Variants in SLC16A10 observed in about 807,000 individuals in gnomAD.
SLC16A10 encodes the protein solute carrier family 16 member 10.
In SLC16A10, 27 loss-of-function variants were observed where a neutral mutation model predicts 40.0. The observed-to-expected ratio is 0.67, with a 90% confidence interval of 0.50 to 0.93. SLC16A10 has a LOEUF of 0.93. Among genes scored for constraint, SLC16A10 ranks in the 40% least tolerant of loss-of-function variants. The pLI is 0.00. For synonymous variants in SLC16A10, 213 were observed against 249.8 expected, an observed-to-expected ratio of 0.85 and a Z score of 1.39; for missense variants, 529 against 658.2, an observed-to-expected ratio of 0.80 and a Z score of 2.15.
At chr6:111,171,139 T>TA (rs1040855648) in intron 1 of SLC16A10, among the ~76,000 whole-genome samples, 7 of 151,802 alleles carry the variant, frequency 4.6e-5, no homozygotes, top group Non-Finnish European at 1.5e-5. Flanking sequence ...CCTGTCTCAT[T>TA]AAAAAAAGAA....
At chr6:111,107,684 G>A (rs1230375521) in intron 1 of SLC16A10, among the ~76,000 whole-genome samples, 2 of 152,214 alleles carry the variant, frequency 1.3e-5, no homozygotes, top group Admixed American at 6.5e-5. Context: ...GTATGATGCT[G>A]AAGACAAAGC....
intron 1 of SLC16A10, among the ~76,000 whole-genome samples, chr6:111,122,722 T>C (rs2114477145): frequency 6.6e-6 from 1 of 152,284 alleles, no homozygotes; most frequent in South Asian, 2.1e-4. Context: ...AACCGCATTA[T>C]TGAGGGGAGT....
chr6:111,219,057 TCTCCAG>T lies in SLC16A10; in HGVS notation c.1315+16_1315+21del, dbSNP rs774295551. On this transcript the variant is annotated intron_variant, in intron 5 of 5. Coordinates refer to ENST00000368851, the MANE Select transcript of SLC16A10 (RefSeq NM_018593.5). ...ACCCATTGCAGGTAAATATAATGAT[TCTCCAG>T]TAGTTATATTAATTCATAGTATTTT... 1 of 1,597,718 alleles carries T rather than the reference TCTCCAG, an allele frequency of 6.3e-7. No homozygotes were observed. The highest frequency in any genetic ancestry group is 1.1e-5 in the South Asian group (1 of 90,594).
intron 1 of SLC16A10, among the ~76,000 whole-genome samples, chr6:111,165,822 G>A (rs1772461895): frequency 6.6e-6 from 1 of 152,228 alleles, no homozygotes; most frequent in Non-Finnish European, 1.5e-5. Flanking sequence ...ACAGATATTA[G>A]CCAGAAAGTA....
intron 1 of SLC16A10, among the ~76,000 whole-genome samples, chr6:111,125,499 AC>A (rs952112592): frequency 6.6e-6 from 1 of 152,156 alleles, no homozygotes; most frequent in Admixed American, 6.6e-5. Context: ...TAATGAGTTT[AC>A]CAAAAAACTG....
intron 1 of SLC16A10, among the ~76,000 whole-genome samples, chr6:111,113,196 A>G (rs1418608476): frequency 2.0e-5 from 3 of 152,328 alleles, no homozygotes; most frequent in Admixed American, 1.3e-4. Context: ...TGTGTTAGCT[A>G]GAATTAGATA....
At position 111,225,532 on chromosome 6, in the gene SLC16A10, A is replaced by G. The variant is rs1458526176; in HGVS notation, c.*3297A>G. ...GCCACTGCACTCCAGCCTGGGCGACAGAGCGAGACTCCATCTCAAAAAAAA... is the reference window on the plus strand; with the variant it reads ...GCCACTGCACTCCAGCCTGGGCGACGGAGCGAGACTCCATCTCAAAAAAAA... On this transcript the variant is annotated 3_prime_UTR_variant, in exon 6 of 6. Transcript: ENST00000368851. The G allele has an allele frequency of 2.0e-5, 3 of 148,508 alleles. No homozygotes were observed. The highest frequency in any genetic ancestry group is 7.6e-5 in the African/African-American group (3 of 39,540). 9.2% of individuals were successfully genotyped at this position (148,508 alleles called of 1,614,324 possible). A position where few individuals can be genotyped will look rare whatever the true frequency, so the allele number is the denominator to read the frequency against.
intron 5 of SLC16A10, among the ~76,000 whole-genome samples, 169 bp from the exon 6 acceptor site, chr6:111,221,834 G>A (rs1320012122): frequency 6.6e-6 from 1 of 151,050 alleles, no homozygotes; most frequent in African/African-American, 2.4e-5. Flanking sequence ...CAACGTTAAA[G>A]ATATGAGATC....
intron 1 of SLC16A10, among the ~76,000 whole-genome samples, chr6:111,146,610 G>A (rs189426171): frequency 0.1 from 15,287 of 152,008 alleles, 1,009 homozygotes; most frequent in Middle Eastern, 0.17. Flanking sequence ...GTGGGGGGGC[G>A]CCTGTAGTCC....
At chr6:111,203,671 G>A (rs1312860877) in intron 3 of SLC16A10, among the ~76,000 whole-genome samples, 1 of 150,642 alleles carries the variant, frequency 6.6e-6, no homozygotes, top group Non-Finnish European at 1.5e-5. Flanking sequence ...GCAGTGAGCT[G>A]AGATCACACC....
chr6:111,181,025 G>GCCAACATGGTGAAAC (rs1772780946), intron 3 of SLC16A10, among the ~76,000 whole-genome samples: 1 of 151,990 alleles, frequency 6.6e-6, no homozygotes, highest in Non-Finnish European at 1.5e-5. Flanking sequence ...GACCAGCCTG[G>GCCAACATGGTGAAAC]CCAACATGGT....
chr6:111,153,640 G>A (rs927837162), intron 1 of SLC16A10, among the ~76,000 whole-genome samples: 1 of 152,200 alleles, frequency 6.6e-6, no homozygotes, highest in Admixed American at 6.5e-5. Flanking sequence ...GCTGGGGTAT[G>A]AATCTAGAAG....
intron 1 of SLC16A10, among the ~76,000 whole-genome samples, chr6:111,132,480 C>CGTGGATGGGCCAAA (rs1311737351): frequency 2.6e-5 from 4 of 152,184 alleles, no homozygotes; most frequent in Non-Finnish European, 5.9e-5. Flanking sequence ...CCCAGTAACA[C>CGTGGATGGGCCAAA]GTGGATGGGC....
At chr6:111,113,445 A>C (rs1162283971) in intron 1 of SLC16A10, among the ~76,000 whole-genome samples, 1 of 152,218 alleles carries the variant, frequency 6.6e-6, no homozygotes, top group Non-Finnish European at 1.5e-5. Flanking sequence ...GGGAAGAAGA[A>C]GCTATCAGGA....
At chr6:111,147,820 G>A (rs1772106004) in intron 1 of SLC16A10, among the ~76,000 whole-genome samples, 1 of 151,968 alleles carries the variant, frequency 6.6e-6, no homozygotes, top group Non-Finnish European at 1.5e-5. Flanking sequence ...ACTTCTCTGG[G>A]GCCAGCACAA....
intron 4 of SLC16A10, among the ~76,000 whole-genome samples, chr6:111,217,162 G>A (rs1399348775): frequency 2.6e-5 from 4 of 152,212 alleles, no homozygotes; most frequent in African/African-American, 9.6e-5. Context: ...TGCTGCCCCC[G>A]TGGGCCATGG....
chr6:111,227,436 C>T lies in SLC16A10; in HGVS notation c.*5201C>T, dbSNP rs1027651159. ...TGTCGGAACCACAATTATGGACCCA[C>T]CATCAATGTGCATTTTATCAGATGA... On this transcript the variant is annotated 3_prime_UTR_variant, in exon 6 of 6. Coordinates refer to ENST00000368851, the MANE Select transcript of SLC16A10 (RefSeq NM_018593.5). The T allele has an allele frequency of 1.3e-5, 2 of 152,158 alleles. No individual in the cohort carries two copies. Among genetic ancestry groups the T allele is most frequent in the Non-Finnish European group, 2.9e-5 (2 of 68,022 alleles). 9.4% of individuals were successfully genotyped at this position (152,158 alleles called of 1,614,324 possible).
At chr6:111,167,434 T>C (rs1772495385) in intron 1 of SLC16A10, among the ~76,000 whole-genome samples, 1 of 152,138 alleles carries the variant, frequency 6.6e-6, no homozygotes, top group Admixed American at 6.5e-5. Flanking sequence ...CAAGTGGGTA[T>C]GCTTTCAACA....
chr6:111,189,418 A>G (rs1391095982), intron 3 of SLC16A10, among the ~76,000 whole-genome samples: 5 of 152,206 alleles, frequency 3.3e-5, no homozygotes, highest in African/African-American at 1.2e-4. Context: ...GGATTTTTTT[A>G]TCCAACTTAT....
Sources: gnomAD v4.1 joint callset for allele counts (sites outside exome capture counted in the v4.1 genomes callset) on GRCh38, gnomAD v4.1.1 for gene constraint, MANE v1.5 for transcripts, NCBI Gene and HGNC (gene_info 2026-07-23, HGNC 2026-07-21) for gene names.